DOCK4: variants seen among roughly 807,000 people sequenced by gnomAD.
DOCK4 encodes the protein dedicator of cytokinesis protein 4.
Under a neutral mutation model 268.1 loss-of-function variants are expected in DOCK4, and 97 were observed. That is an observed-to-expected ratio of 0.36 (90% CI 0.31 to 0.43). The LOEUF (loss-of-function observed/expected upper bound fraction) is 0.43, where lower values mean the gene tolerates loss of function less well. DOCK4 is among the 20% of genes least tolerant of loss of function. DOCK4 has a pLI of 1.00. For missense variants in DOCK4, 2,145 were observed against 2,455.7 expected, an observed-to-expected ratio of 0.87 and a Z score of 2.67; for synonymous variants, 954 against 887.2, an observed-to-expected ratio of 1.08 and a Z score of -1.34.
At chr7:112,189,756 T>TTG (rs1554475307) in intron 1 of DOCK4, among the ~76,000 whole-genome samples, 2,842 of 145,814 alleles carry the variant, frequency 0.019, 107 homozygotes, top group African/African-American at 0.066. Context: ...GTTTTTTTTT[T>TTG]TTTTTTTTTT....
intron 30 of DOCK4, among the ~76,000 whole-genome samples, chr7:111,797,848 A>G: frequency 6.6e-6 from 1 of 152,190 alleles, no homozygotes; most frequent in East Asian, 1.9e-4. Flanking sequence ...CCCTAATTCA[A>G]TCAAGGGATG....
chr7:111,763,493 A>C (rs1797580232), intron 39 of DOCK4, among the ~76,000 whole-genome samples: 1 of 152,242 alleles, frequency 6.6e-6, no homozygotes, highest in Admixed American at 6.5e-5. Flanking sequence ...TTTTAACAAA[A>C]TTTATTCTAT....
chr7:112,044,172 AG>A (rs1655456058), intron 1 of DOCK4, among the ~76,000 whole-genome samples: 1 of 152,188 alleles, frequency 6.6e-6, no homozygotes. Flanking sequence ...GAATAAACCT[AG>A]GAAGTTTGTT....
At chr7:111,928,591 T>TTC (rs1562898585) in intron 12 of DOCK4, among the ~76,000 whole-genome samples, 1 of 114,112 alleles carries the variant, frequency 8.8e-6, no homozygotes, top group African/African-American at 3.3e-5. Context: ...TTTTTCTTTT[T>TTC]TTTTTTTTTT....
At chr7:112,088,963 G>GTT (rs1455552272) in intron 1 of DOCK4, among the ~76,000 whole-genome samples, 1 of 152,052 alleles carries the variant, frequency 6.6e-6, no homozygotes, top group Non-Finnish European at 1.5e-5. Flanking sequence ...GTCAATGCTT[G>GTT]TTTTTATATG....
chr7:112,094,001 T>A (rs1809879287), intron 1 of DOCK4, among the ~76,000 whole-genome samples: 1 of 152,044 alleles, frequency 6.6e-6, no homozygotes, highest in Non-Finnish European at 1.5e-5. Flanking sequence ...ATGAGACCAT[T>A]TGACTTACCC....
At chr7:112,170,254 C>T (rs1249256264) in intron 1 of DOCK4, among the ~76,000 whole-genome samples, 6 of 151,906 alleles carry the variant, frequency 3.9e-5, no homozygotes, top group African/African-American at 1.2e-4. Context: ...AGTTCAAAAT[C>T]AGCCTGGGCA....
intron 10 of DOCK4, among the ~76,000 whole-genome samples, chr7:111,944,563 T>G (rs1795467639): frequency 6.6e-6 from 1 of 152,114 alleles, no homozygotes; most frequent in South Asian, 2.1e-4. Flanking sequence ...CAGAACAAAA[T>G]GAAACACAAC....
chr7:111,901,619 T>G (rs1042709695), intron 14 of DOCK4, 58 bp downstream of exon 14: 26 of 1,540,182 alleles, frequency 1.7e-5, no homozygotes, highest in Non-Finnish European at 2.1e-5. Flanking sequence ...ACATTAAAGA[T>G]TAAGTGAAAG....
intron 12 of DOCK4, among the ~76,000 whole-genome samples, chr7:111,919,254 T>C (rs544094332): frequency 2.6e-5 from 4 of 151,394 alleles, no homozygotes; most frequent in African/African-American, 7.3e-5. Flanking sequence ...TTAAAGAAGA[T>C]AGGAAAAGGA....
intron 1 of DOCK4, among the ~76,000 whole-genome samples, chr7:112,180,813 G>A (rs1000730071): frequency 6.6e-6 from 1 of 152,192 alleles, no homozygotes; most frequent in Non-Finnish European, 1.5e-5. Flanking sequence ...TTAAAGGGCT[G>A]TAAGTAGACT....
intron 1 of DOCK4, among the ~76,000 whole-genome samples, chr7:112,041,778 T>C (rs1387839236): frequency 6.6e-6 from 1 of 152,174 alleles, no homozygotes. Flanking sequence ...CATACATTAT[T>C]TCCATGACCC....
chr7:112,064,386 A>G (rs1204506222), intron 1 of DOCK4, among the ~76,000 whole-genome samples: 1 of 152,250 alleles, frequency 6.6e-6, no homozygotes, highest in Non-Finnish European at 1.5e-5. Context: ...TGGCAGACAC[A>G]GGACTCTCTG....
chr7:111,892,352 G>A (rs1808353097), intron 16 of DOCK4, among the ~76,000 whole-genome samples: 1 of 152,002 alleles, frequency 6.6e-6, no homozygotes, highest in South Asian at 2.1e-4. Flanking sequence ...AGGCACCCAT[G>A]ACCACGCTGG....
chr7:111,854,661 C>T (rs542113499), intron 23 of DOCK4, among the ~76,000 whole-genome samples: 104 of 152,282 alleles, frequency 6.8e-4, no homozygotes, highest in African/African-American at 2.4e-3. Flanking sequence ...GGATTACAGG[C>T]GTGAGCGACC....
chr7:112,187,606 G>A (rs796475709), intron 1 of DOCK4, among the ~76,000 whole-genome samples: 2 of 152,302 alleles, frequency 1.3e-5, no homozygotes, highest in African/African-American at 4.8e-5. Flanking sequence ...GGAGAGAAGA[G>A]TGTGCTTTTG....
intron 5 of DOCK4, among the ~76,000 whole-genome samples, 200 bp from the exon 6 acceptor site, chr7:111,989,363 T>C (rs1439288117): frequency 6.6e-6 from 1 of 152,212 alleles, no homozygotes; most frequent in Non-Finnish European, 1.5e-5. Flanking sequence ...TCATCTAAGT[T>C]TCACAACACT....
At chr7:112,116,630 T>G (rs1226883452) in intron 1 of DOCK4, among the ~76,000 whole-genome samples, 2 of 152,236 alleles carry the variant, frequency 1.3e-5, no homozygotes, top group Non-Finnish European at 2.9e-5. Context: ...CAATTCTGTT[T>G]ATAACATATT....
intron 8 of DOCK4, among the ~76,000 whole-genome samples, chr7:111,953,292 G>T (rs6960976): frequency 6.6e-6 from 1 of 152,118 alleles, no homozygotes; most frequent in African/African-American, 2.4e-5. Context: ...GGTGTGAAGG[G>T]AGACACACCA....
Sources: gnomAD v4.1 joint callset for allele counts (sites outside exome capture counted in the v4.1 genomes callset) on GRCh38, gnomAD v4.1.1 for gene constraint, MANE v1.5 for transcripts, NCBI Gene and HGNC (gene_info 2026-07-23, HGNC 2026-07-21) for gene names.